DLG2: variants seen among roughly 807,000 people sequenced by gnomAD.
DLG2 encodes discs large MAGUK scaffold protein 2, also known as disks large homolog 2.
A neutral mutation model predicts 132.5 loss-of-function variants in DLG2; 45 were observed. The ratio of observed to expected loss-of-function variants is 0.34; its 90% confidence interval spans 0.27 to 0.44. The LOEUF is 0.44. Among genes scored for constraint, DLG2 ranks in the 20% least tolerant of loss-of-function variants. The probability of loss-of-function intolerance (pLI) is 1.00; values close to 1 mark genes in which losing one functional copy is unlikely to be tolerated. For missense variants in DLG2, 1,045 were observed against 1,196.9 expected, an observed-to-expected ratio of 0.87 and a Z score of 1.87; for synonymous variants, 424 against 419.6, an observed-to-expected ratio of 1.01 and a Z score of -0.13.
chr11:84,458,968 GT>G (rs2099072875), intron 7 of DLG2, among the ~76,000 whole-genome samples: 1 of 150,552 alleles, frequency 6.6e-6, no homozygotes, highest in Non-Finnish European at 1.5e-5. Flanking sequence ...CATTTTTCAT[GT>G]GAAGAAACTA....
intron 26 of DLG2, among the ~76,000 whole-genome samples, chr11:83,466,240 GCTCT>G (rs1480963153): frequency 1.3e-5 from 2 of 151,542 alleles, no homozygotes; most frequent in African/African-American, 4.9e-5. Flanking sequence ...AACGTTGTCT[GCTCT>G]CTCTATAAAA....
chr11:84,634,444 T>A (rs2099637252), intron 6 of DLG2, among the ~76,000 whole-genome samples: 1 of 152,220 alleles, frequency 6.6e-6, no homozygotes, highest in South Asian at 2.1e-4. Flanking sequence ...TACAACCTAC[T>A]CTTTATCAAC....
intron 3 of DLG2, among the ~76,000 whole-genome samples, chr11:85,339,452 G>T (rs2082339490): frequency 6.6e-6 from 1 of 152,134 alleles, no homozygotes; most frequent in East Asian, 1.9e-4. Flanking sequence ...CCTCCAGAAG[G>T]GTTATATCAA....
chr11:85,369,513 C>CAACAGTACA (rs947827862), intron 3 of DLG2, among the ~76,000 whole-genome samples: 2 of 152,018 alleles, frequency 1.3e-5, no homozygotes, highest in African/African-American at 2.4e-5. Flanking sequence ...CCAGGCAACC[C>CAACAGTACA]AACTATCACT....
intron 18 of DLG2, among the ~76,000 whole-genome samples, chr11:83,666,677 T>G (rs749804858): frequency 1.3e-5 from 2 of 152,190 alleles, no homozygotes; most frequent in Non-Finnish European, 2.9e-5. Flanking sequence ...CGTGGTTACC[T>G]CTTGAAACAG....
chr11:83,883,297 T>C (rs539065919), intron 15 of DLG2, among the ~76,000 whole-genome samples: 84 of 152,334 alleles, frequency 5.5e-4, no homozygotes, highest in African/African-American at 2.0e-3. Context: ...TTAATTGCTT[T>C]AAAATATTTG....
At chr11:85,011,255 T>G (rs757543199) in intron 6 of DLG2, among the ~76,000 whole-genome samples, 14 of 152,128 alleles carry the variant, frequency 9.2e-5, no homozygotes, top group Non-Finnish European at 4.4e-5. Context: ...ATTGTGACTA[T>G]TTAGTGCTTT....
intron 6 of DLG2, among the ~76,000 whole-genome samples, chr11:84,590,571 G>T (rs183601728): frequency 2.6e-5 from 4 of 152,242 alleles, no homozygotes; most frequent in African/African-American, 9.6e-5. Flanking sequence ...TCTTCTAGGG[G>T]TGAGAGATAA....
intron 6 of DLG2, among the ~76,000 whole-genome samples, chr11:84,676,108 G>A (rs2099710942): frequency 6.6e-6 from 1 of 151,984 alleles, no homozygotes; most frequent in Non-Finnish European, 1.5e-5. Flanking sequence ...CTGCTGACTT[G>A]CTTCTCAACT....
intron 10 of DLG2, among the ~76,000 whole-genome samples, chr11:84,067,050 C>A (rs1049011506): frequency 1.3e-5 from 2 of 152,090 alleles, no homozygotes; most frequent in African/African-American, 4.8e-5. Context: ...AGATAACAAT[C>A]AATCACTTAA....
intron 2 of DLG2, among the ~76,000 whole-genome samples, chr11:85,599,236 G>A (rs759015205): frequency 2.6e-5 from 4 of 151,976 alleles, no homozygotes; most frequent in Non-Finnish European, 4.4e-5. Flanking sequence ...AAGTCATACT[G>A]GATTACTCAC....
chr11:84,231,793 G>A (rs2097097365), intron 8 of DLG2, among the ~76,000 whole-genome samples: 1 of 152,112 alleles, frequency 6.6e-6, no homozygotes, highest in Non-Finnish European at 1.5e-5. Flanking sequence ...GTGGACAGGA[G>A]GAAGGAAAAT....
intron 3 of DLG2, among the ~76,000 whole-genome samples, chr11:85,586,391 A>T (rs770549811): frequency 6.6e-6 from 1 of 151,958 alleles, no homozygotes; most frequent in Non-Finnish European, 1.5e-5. Context: ...GCTGCTTGTT[A>T]TTGGTCTGTT....
At chr11:84,055,785 T>C (rs1408450680) in intron 11 of DLG2, among the ~76,000 whole-genome samples, 1 of 152,116 alleles carries the variant, frequency 6.6e-6, no homozygotes, top group Non-Finnish European at 1.5e-5. Flanking sequence ...TTTCCCAATT[T>C]ATATTATAGG....
chr11:84,775,779 T>G (rs1257542638), intron 6 of DLG2, among the ~76,000 whole-genome samples: 2 of 152,164 alleles, frequency 1.3e-5, no homozygotes, highest in Non-Finnish European at 2.9e-5. Context: ...GTTGAAAAAC[T>G]AACTATTGGG....
At chr11:84,283,200 A>T (rs2097870990) in intron 7 of DLG2, among the ~76,000 whole-genome samples, 1 of 152,198 alleles carries the variant, frequency 6.6e-6, no homozygotes, top group Non-Finnish European at 1.5e-5. Flanking sequence ...TTACTGCTTA[A>T]AAAGCTACTT....
intron 19 of DLG2, among the ~76,000 whole-genome samples, chr11:83,581,294 T>C (rs150339460): frequency 2.6e-5 from 4 of 152,252 alleles, no homozygotes; most frequent in African/African-American, 4.8e-5. Flanking sequence ...AACCAGTGTA[T>C]TGAGACAGTC....
intron 6 of DLG2, among the ~76,000 whole-genome samples, chr11:85,060,116 C>G (rs1223954210): frequency 1.3e-5 from 2 of 151,444 alleles, no homozygotes; most frequent in Non-Finnish European, 3.0e-5. Context: ...CTCTCCAGCC[C>G]CTGGCAACCA....
At chr11:84,794,889 G>T (rs1017562215) in intron 6 of DLG2, among the ~76,000 whole-genome samples, 3 of 152,200 alleles carry the variant, frequency 2.0e-5, no homozygotes, top group Non-Finnish European at 4.4e-5. Context: ...AGAGCCTGCA[G>T]GCACCGCTTG....
Sources: allele counts gnomAD v4.1 joint callset (sites outside exome capture counted in the v4.1 genomes callset), GRCh38; gene constraint gnomAD v4.1.1; transcripts MANE v1.5; gene names NCBI Gene and HGNC (gene_info 2026-07-23, HGNC 2026-07-21).